ASCC3: variants seen among roughly 807,000 people sequenced by gnomAD.
ASCC3 encodes the protein activating signal cointegrator 1 complex subunit 3, also known as ASC-1 complex subunit P200.
ASCC3 carries 158 observed loss-of-function variants against 256.3 expected under a neutral mutation model. That is an observed-to-expected ratio of 0.62 (90% CI 0.54 to 0.70). The LOEUF is 0.70. Ranked by LOEUF, ASCC3 falls within the 30% of genes least tolerant of loss-of-function variation. The pLI, the probability that ASCC3 is intolerant of heterozygous loss-of-function variation, is 0.00. For missense variants in ASCC3, 2,259 were observed against 2,626.0 expected (o/e 0.86, Z 3.05); for synonymous variants, 948 against 883.4 (o/e 1.07, Z -1.30).
At chr6:100,867,574 G>C (rs1773538121) in intron 2 of ASCC3, among the ~76,000 whole-genome samples, 1 of 151,738 alleles carries the variant, frequency 6.6e-6, no homozygotes, top group Admixed American at 6.6e-5. Flanking sequence ...TTTTACCAGA[G>C]ACCACTGGTA....
At chr6:100,537,569 G>A (rs1387515353) in intron 37 of ASCC3, among the ~76,000 whole-genome samples, 2 of 151,904 alleles carry the variant, frequency 1.3e-5, no homozygotes, top group Admixed American at 6.6e-5. Context: ...AGGGGAGGCT[G>A]GGTAAAATGT....
chr6:100,864,579 T>A (rs117888677), intron 2 of ASCC3, among the ~76,000 whole-genome samples: 1,930 of 152,304 alleles, frequency 0.013, 20 homozygotes, highest in East Asian at 0.045. Context: ...GTTTTTAATA[T>A]AGCTTAGACT....
At chr6:100,510,205 C>G in intron 40 of ASCC3, 98 bp from the exon 41 acceptor site, 1 of 1,266,658 alleles carries the variant, frequency 7.9e-7, no homozygotes, top group Admixed American at 1.7e-5. Context: ...GAAGGCCATA[C>G]ATCTACATAG....
intron 34 of ASCC3, among the ~76,000 whole-genome samples, chr6:100,597,641 A>G (rs1480929618): frequency 6.6e-6 from 1 of 151,904 alleles, no homozygotes; most frequent in Non-Finnish European, 1.5e-5. Flanking sequence ...ATTGGTGGCT[A>G]CTGAAGGAAC....
intron 4 of ASCC3, among the ~76,000 whole-genome samples, chr6:100,806,974 T>TAAAGA (rs1221663997): frequency 6.6e-6 from 1 of 151,772 alleles, no homozygotes; most frequent in Non-Finnish European, 1.5e-5. Context: ...CTTAAGAAAA[T>TAAAGA]AAAGCTTTAG....
intron 36 of ASCC3, among the ~76,000 whole-genome samples, chr6:100,579,983 G>A (rs1017292355): frequency 6.6e-6 from 1 of 152,088 alleles, no homozygotes; most frequent in Non-Finnish European, 1.5e-5. Context: ...CCATTTGTTT[G>A]TGTCAACTCT....
At chr6:100,870,408 ACATT>A (rs1773687577) in intron 1 of ASCC3, among the ~76,000 whole-genome samples, 1 of 152,040 alleles carries the variant, frequency 6.6e-6, no homozygotes, top group Non-Finnish European at 1.5e-5. Context: ...TCTCTGCCAT[ACATT>A]CATTCCTTTT....
intron 10 of ASCC3, among the ~76,000 whole-genome samples, chr6:100,728,002 A>T (rs758489427): frequency 3.3e-5 from 5 of 152,132 alleles, no homozygotes; most frequent in African/African-American, 4.8e-5. Context: ...AAAGATAAAC[A>T]TCTGCAAATA....
chr6:100,545,740 G>A (rs540983541), intron 36 of ASCC3, among the ~76,000 whole-genome samples: 14 of 152,110 alleles, frequency 9.2e-5, no homozygotes, highest in African/African-American at 2.7e-4. Context: ...ACCATGCTTG[G>A]CTAATTAAAA....
chr6:100,611,660 T>C (rs76761301), intron 30 of ASCC3, among the ~76,000 whole-genome samples: 2,422 of 152,116 alleles, frequency 0.016, 24 homozygotes, highest in East Asian at 0.045. Context: ...CCCAGTGATT[T>C]TGAATACTAA....
At chr6:100,705,111 G>T (rs1232455635) in intron 13 of ASCC3, among the ~76,000 whole-genome samples, 2 of 151,954 alleles carry the variant, frequency 1.3e-5, no homozygotes, top group African/African-American at 4.8e-5. Context: ...AGGCTGAATC[G>T]CCAACTTTTG....
intron 8 of ASCC3, among the ~76,000 whole-genome samples, chr6:100,789,617 A>C (rs964648451): frequency 5.9e-4 from 90 of 152,136 alleles, no homozygotes; most frequent in African/African-American, 2.1e-3. Context: ...CTCTGGAAAG[A>C]ACAAAGTACA....
At chr6:100,827,180 T>C (rs374745428) in intron 4 of ASCC3, among the ~76,000 whole-genome samples, 4 of 152,236 alleles carry the variant, frequency 2.6e-5, no homozygotes, top group Non-Finnish European at 5.9e-5. Context: ...AAGTCCACAG[T>C]TTACACTGGG....
At chr6:100,797,474 A>T (rs1769681355) in intron 8 of ASCC3, among the ~76,000 whole-genome samples, 1 of 141,172 alleles carries the variant, frequency 7.1e-6, no homozygotes, top group Non-Finnish European at 1.6e-5. Context: ...AAAAAAAAAA[A>T]AATGAAAAAA....
chr6:100,602,884 G>A (rs141846359), intron 33 of ASCC3, among the ~76,000 whole-genome samples: 44 of 152,156 alleles, frequency 2.9e-4, no homozygotes, highest in African/African-American at 1.0e-3. Context: ...ATTAAAAATA[G>A]TTTTTGCAAA....
In ASCC3 at chr6:100,581,784, T is replaced by A. The variant is rs1771287654; in HGVS notation, c.5550+7850A>T. Among the ~76,000 whole-genome samples, 5 of 151,688 alleles carry A rather than the reference T, an allele frequency of 3.3e-5. No individual in the cohort carries two copies. The South Asian group carries it at 1.0e-3, about 32-fold the overall frequency. On this transcript the variant is annotated intron_variant, in intron 36 of 41. Transcript: ENST00000369162. Reference sequence around the variant, plus strand: ...TATAAGGTGTAAGGAAGGGATCCAGTTTCAGCTTTCTACATATGGCTAGCC... The same window carrying A: ...TATAAGGTGTAAGGAAGGGATCCAGATTCAGCTTTCTACATATGGCTAGCC...
At chr6:100,799,627 T>C (rs3811078) in intron 6 of ASCC3, 55 bp from the exon 7 acceptor site, 820,377 of 1,566,178 alleles carry the variant, frequency 0.52, 218,898 homozygotes, top group South Asian at 0.73. Context: ...AGGTAATGCA[T>C]ACACCAAAAC....
intron 41 of ASCC3, 82 bp downstream of exon 41, chr6:100,509,850 T>C: frequency 7.2e-7 from 1 of 1,392,622 alleles, no homozygotes; most frequent in South Asian, 1.2e-5. Flanking sequence ...ATCGCGCCAC[T>C]GCACTCCAGC....
intron 3 of ASCC3, chr6:100,858,985 A>G (rs1773091719): frequency 2.9e-6 from 2 of 680,560 alleles, no homozygotes; most frequent in Non-Finnish European, 5.4e-6. Context: ...GACATTCTCC[A>G]TTAAAGCCAT....
Sources: allele counts gnomAD v4.1 joint callset (sites outside exome capture counted in the v4.1 genomes callset), GRCh38; gene constraint gnomAD v4.1.1; transcripts MANE v1.5; gene names NCBI Gene and HGNC (gene_info 2026-07-23, HGNC 2026-07-21).